Variants in ABCC5 observed in about 807,000 individuals in gnomAD.
The protein encoded by ABCC5 is ATP-binding cassette sub-family C member 5.
A neutral mutation model predicts 160.9 loss-of-function variants in ABCC5; 61 were observed. That is an observed-to-expected ratio of 0.38 (90% CI 0.31 to 0.47). The LOEUF (loss-of-function observed/expected upper bound fraction) is 0.47. Among genes scored for constraint, ABCC5 ranks in the 20% least tolerant of loss-of-function variants. The probability of loss-of-function intolerance (pLI) is 0.99; values close to 1 mark genes in which losing one functional copy is unlikely to be tolerated. For synonymous variants in ABCC5, 666 were observed against 700.6 expected, an observed-to-expected ratio of 0.95 and a Z score of 0.78; for missense variants, 1,308 against 1,813.3, an observed-to-expected ratio of 0.72 and a Z score of 5.06.
intron 2 of ABCC5, among the ~76,000 whole-genome samples, chr3:184,013,881 AT>A (rs1015691833): frequency 2.0e-5 from 3 of 150,954 alleles, no homozygotes; most frequent in African/African-American, 4.9e-5. Flanking sequence ...AGAAAAACAC[AT>A]TTTTTTTTGA....
intron 22 of ABCC5, among the ~76,000 whole-genome samples, chr3:183,948,633 T>G (rs974776413): frequency 2.6e-5 from 4 of 152,184 alleles, no homozygotes; most frequent in African/African-American, 9.6e-5. Flanking sequence ...ATCTTCCAGC[T>G]ACCCAGTTCT....
At chr3:183,972,862 T>C (rs1325242117) in intron 10 of ABCC5, among the ~76,000 whole-genome samples, 1 of 151,968 alleles carries the variant, frequency 6.6e-6, no homozygotes, top group Non-Finnish European at 1.5e-5. Flanking sequence ...GCCAGGCTGG[T>C]CTTGAGCTCC....
At chr3:184,013,397 G>A (rs906111644) in intron 2 of ABCC5, among the ~76,000 whole-genome samples, 3 of 151,960 alleles carry the variant, frequency 2.0e-5, no homozygotes, top group African/African-American at 4.8e-5. Flanking sequence ...GGGAGTACAG[G>A]TGCCCACCAC....
Position 183,978,565 on chromosome 3 carries a change from T to A in ABCC5, c.1234A>T (p.Ile412Phe). The A allele has an allele frequency of 1.9e-6, 3 of 1,614,160 alleles. No homozygotes were observed. The highest frequency in any genetic ancestry group is 2.5e-6 in the Non-Finnish European group (3 of 1,180,022). Residue 412 changes from isoleucine (I) to phenylalanine (F), a missense_variant, in exon 9 of 30, where the codon ATT becomes TTT. Transcript: ENST00000334444. Reference sequence around the variant, plus strand: ...ACAGAGAAGGTCACCACGCTGGCAATCACCACCACAATGGGAGCCACACCC... The same window carrying A: ...ACAGAGAAGGTCACCACGCTGGCAAACACCACCACAATGGGAGCCACACCC... ...TVGVAPIVVV[I>F]ASVVTFSVHM...
rs564992400 is a variant in ABCC5, at chr3:183,995,055, A to G, written c.130-5672T>C. On this transcript the variant is annotated intron_variant, in intron 2 of 29. Coordinates refer to ENST00000334444, the MANE Select transcript of ABCC5 (RefSeq NM_005688.4). ...TTGTGGAGACAGCACTATGTTGCCC[A>G]GGCCGGTCTTGAACTCCTGGGCTCA... Among the ~76,000 whole-genome samples, 257 of 152,086 alleles carry G rather than the reference A, an allele frequency of 1.7e-3. 1 individual carries two copies. The highest frequency in any genetic ancestry group is 3.4e-3 in the Middle Eastern group (1 of 292).
At chr3:184,005,441 G>C (rs1442917333) in intron 2 of ABCC5, among the ~76,000 whole-genome samples, 1 of 152,150 alleles carries the variant, frequency 6.6e-6, no homozygotes, top group African/African-American at 2.4e-5. Flanking sequence ...AAGGGGGGCA[G>C]GGAGGAAAAG....
Position 183,988,598 on chromosome 3 carries a change from G to C in ABCC5, c.417C>G (p.His139Gln). 6.2e-7 allele frequency: 1 copy of C among 1,614,102 alleles called. No individual in the cohort carries two copies. Among genetic ancestry groups the C allele is most frequent in the Non-Finnish European group, 8.5e-7 (1 of 1,180,008 alleles). The stretch of plus-strand genomic sequence containing the variant: ...TTCTGCAGTTCACGTCAGAAGACTC[G>C]TGCTTGGACAGAGACCACACGTCTT... ...SMEDVWSLSKHESSDVNCRRL... is the reference protein window; with the variant it reads ...SMEDVWSLSKQESSDVNCRRL... The change falls in exon 4 of 30, where the codon CAC becomes CAG. Residue 139 changes from histidine to glutamine, a missense_variant. Physicochemically the swap from His to Gln is conservative, Grantham distance 24. Around this residue, in one of 3 missense-constraint regions of ABCC5, gnomAD observed 1,142 missense variants for 1,527.1 expected, o/e 0.75. Transcript: ENST00000334444. The surrounding 1 kb of genome is among the most constrained non-coding windows in gnomAD (Gnocchi z 4.4).
chr3:183,938,900 T>C (rs767553357), intron 25 of ABCC5, among the ~76,000 whole-genome samples: 3 of 152,318 alleles, frequency 2.0e-5, no homozygotes, highest in Middle Eastern at 3.4e-3. Context: ...TAGCTGTCAA[T>C]GGCCCTACTG....
At position 183,949,797 on chromosome 3, in the gene ABCC5, A is replaced by C. The variant is rs1229521242; in HGVS notation, c.3183T>G (p.Leu1061=). The C allele has an allele frequency of 1.2e-6, 2 of 1,614,098 alleles. No homozygotes were observed. The highest frequency in any genetic ancestry group is 1.7e-6 in the Non-Finnish European group (2 of 1,180,042). ...LSHITSSIQG[L]ATIHAYNKGQ... is the part of the protein sequence containing the mutation. ...CTTTATTGTAGGCGTGGATGGTGGC[A>C]AGGCCCTGTATGCTGGACGTGATGT... The change falls in exon 22 of 30, where the codon CTT becomes CTG. Residue 1061 remains leucine (L), a synonymous_variant. Transcript: ENST00000334444. This position sits in a 1 kb window ranked among gnomAD's most constrained non-coding sequence, Gnocchi z 4.2.
rs564334484 is a variant in ABCC5 at position 183,944,564 on chromosome 3, C to T, written c.3504+1286G>A. On this transcript the variant is annotated intron_variant, in intron 24 of 29. Coordinates refer to ENST00000334444, the MANE Select transcript of ABCC5 (RefSeq NM_005688.4). ...CACAGCAGTTCAATAAAATAGATAA[C>T]TCTTAAGAATTGAGTTCAATTTGAG... 3.3e-5 allele frequency among the ~76,000 whole-genome samples: 5 copies of T among 152,146 alleles called. No individual in the cohort carries two copies. In the South Asian group the frequency reaches 8.3e-4, roughly 25 times the overall value.
chr3:183,986,868 C>T (rs879546059), intron 5 of ABCC5: 6 of 151,972 alleles, frequency 3.9e-5, no homozygotes, highest in Non-Finnish European at 8.8e-5. Context: ...ATATAGAAAC[C>T]CAATACCAGA....
chr3:183,988,767 C>T lies in ABCC5; in HGVS notation c.288-40G>A. 1 of 1,600,350 alleles carries T rather than the reference C, an allele frequency of 6.2e-7. No homozygotes were observed. Among genetic ancestry groups the T allele is most frequent in the Non-Finnish European group, 8.5e-7 (1 of 1,173,846 alleles). On this transcript the variant is annotated intron_variant, in intron 3 of 29. Coordinates refer to ENST00000334444, the MANE Select transcript of ABCC5 (RefSeq NM_005688.4). This position sits in a 1 kb window ranked among gnomAD's most constrained non-coding sequence, Gnocchi z 4.4. ...CCGAAATCACAAAGCTATCAACACG[C>T]ACGGAGAGGGCAGCCCGTGTTTAAT...
chr3:183,968,282 A>G (rs1304044500), intron 11 of ABCC5, among the ~76,000 whole-genome samples: 1 of 151,862 alleles, frequency 6.6e-6, no homozygotes, highest in South Asian at 2.1e-4. Context: ...GCTAATTTTT[A>G]TATTTTTAGT....
Position 183,979,448 on chromosome 3 carries a change from T to A in ABCC5, c.1148-797A>T, listed in dbSNP as rs545217984. ...AAGCTTCCATATAAAAATGCAGTAA[T>A]GACAACCGGAAGAAGATAGGTGAAA... On this transcript the variant is annotated intron_variant, in intron 8 of 29. Coordinates refer to ENST00000334444, the MANE Select transcript of ABCC5 (RefSeq NM_005688.4). Among the ~76,000 whole-genome samples the A allele has an allele frequency of 5.9e-5, 9 of 151,998 alleles. No individual in the cohort carries two copies. In the South Asian group the frequency reaches 1.9e-3, roughly 32 times the overall value.
chr3:183,985,809 A>C, intron 5 of ABCC5: 1 of 211,506 alleles, frequency 4.7e-6, no homozygotes, highest in Non-Finnish European at 9.7e-6. Flanking sequence ...CGTCACCAAA[A>C]CCTTGGATCA....
intron 2 of ABCC5, among the ~76,000 whole-genome samples, chr3:184,012,637 CTT>C (rs1721852921): frequency 6.6e-6 from 1 of 152,164 alleles, no homozygotes; most frequent in Non-Finnish European, 1.5e-5. Flanking sequence ...TACCTTCTGA[CTT>C]TTTCCAGACT....
intron 5 of ABCC5, chr3:183,985,294 A>G (rs762261567): frequency 1.2e-6 from 2 of 1,612,280 alleles, no homozygotes; most frequent in Admixed American, 1.7e-5. Flanking sequence ...GTGAATAAAC[A>G]TTACCTTACC....
At chr3:183,954,295 C>T (rs1423736921) in intron 17 of ABCC5, among the ~76,000 whole-genome samples, 8 of 152,070 alleles carry the variant, frequency 5.3e-5, no homozygotes, top group African/African-American at 1.7e-4. Context: ...ATTATAGGCG[C>T]CCGCCACCAC....
In ABCC5 at chr3:183,949,587, C is replaced by T. The variant is rs549084180; in HGVS notation, c.3227+166G>A. Among the ~76,000 whole-genome samples the T allele has an allele frequency of 2.6e-5, 4 of 152,372 alleles. No homozygotes were observed. In the East Asian group the frequency reaches 5.8e-4, roughly 22 times the overall value. ...TTCTCACTTGCTCAGAAAGGAGTCC[C>T]GCCAAGCAATTGGATTTTAATCAGA... On this transcript the variant is annotated intron_variant, in intron 22 of 29. Coordinates refer to ENST00000334444, the MANE Select transcript of ABCC5 (RefSeq NM_005688.4). This position sits in a 1 kb window ranked among gnomAD's most constrained non-coding sequence, Gnocchi z 4.2.
Sources: allele counts gnomAD v4.1 joint callset (sites outside exome capture counted in the v4.1 genomes callset), GRCh38; gene constraint gnomAD v4.1.1; regional missense constraint gnomAD v4.1.1; non-coding constraint Gnocchi (gnomAD v3.1); transcripts MANE v1.5; gene names NCBI Gene and HGNC (gene_info 2026-07-23, HGNC 2026-07-21).